The following NLGN1 variants were observed in gnomAD, a reference collection of about 807,000 sequenced individuals.
The protein encoded by NLGN1 is neuroligin 1, also known as neuroligin-1.
In NLGN1, 12 loss-of-function variants were observed where a neutral mutation model predicts 65.5. The ratio of observed to expected loss-of-function variants is 0.18; its 90% CI spans 0.12 to 0.30. NLGN1 has a LOEUF of 0.30. Among genes scored for constraint, NLGN1 ranks in the 10% least tolerant of loss-of-function variants. NLGN1 has a pLI of 1.00. For synonymous variants in NLGN1, 350 were observed against 359.5 expected (o/e 0.97, Z 0.30); for missense variants, 750 against 1,007.1 (o/e 0.74, Z 3.46).
intron 4 of NLGN1, among the ~76,000 whole-genome samples, chr3:174,050,163 G>C (rs900474026): frequency 2.6e-5 from 4 of 152,020 alleles, no homozygotes; most frequent in Admixed American, 2.6e-4. Context: ...ATGCATTATA[G>C]AATAATATTT....
intron 3 of NLGN1, among the ~76,000 whole-genome samples, chr3:173,775,044 T>C (rs1051687592): frequency 6.6e-6 from 1 of 152,174 alleles, no homozygotes; most frequent in African/African-American, 2.4e-5. Context: ...TGCACCAAGC[T>C]TATGCAATTA....
At chr3:173,444,221 G>T (rs1247369295) in intron 2 of NLGN1, among the ~76,000 whole-genome samples, 1 of 152,146 alleles carries the variant, frequency 6.6e-6, no homozygotes, top group Non-Finnish European at 1.5e-5. Flanking sequence ...TTCTAAGGTT[G>T]TCATAAAATC....
At chr3:173,844,342 G>A (rs1168494195) in intron 4 of NLGN1, among the ~76,000 whole-genome samples, 3 of 152,172 alleles carry the variant, frequency 2.0e-5, no homozygotes, top group African/African-American at 7.2e-5. Context: ...GAGAAACAGA[G>A]TTGAGAAAAA....
At chr3:173,742,963 C>T (rs1054898707) in intron 3 of NLGN1, among the ~76,000 whole-genome samples, 5 of 152,108 alleles carry the variant, frequency 3.3e-5, no homozygotes, top group African/African-American at 1.2e-4. Context: ...TATTTAAATA[C>T]ATACACCCAT....
At chr3:174,265,534 C>A (rs1250275229) in intron 4 of NLGN1, among the ~76,000 whole-genome samples, 3 of 151,890 alleles carry the variant, frequency 2.0e-5, no homozygotes, top group Non-Finnish European at 2.9e-5. Context: ...CGCCCTGTTT[C>A]GGCTCGCACA....
At chr3:173,618,072 T>C (rs1753397116) in intron 3 of NLGN1, among the ~76,000 whole-genome samples, 1 of 152,070 alleles carries the variant, frequency 6.6e-6, no homozygotes, top group African/African-American at 2.4e-5. Context: ...GTTTAAGGGG[T>C]TATATAGCAT....
intron 2 of NLGN1, among the ~76,000 whole-genome samples, chr3:173,597,841 T>C (rs1045445748): frequency 6.6e-5 from 10 of 152,176 alleles, no homozygotes; most frequent in African/African-American, 2.4e-4. Context: ...CACTAATATC[T>C]CAAGGCACAG....
At chr3:174,252,506 T>C (rs1744969603) in intron 4 of NLGN1, among the ~76,000 whole-genome samples, 1 of 152,134 alleles carries the variant, frequency 6.6e-6, no homozygotes, top group Non-Finnish European at 1.5e-5. Flanking sequence ...CCTATTTTTT[T>C]TTCCTTGACT....
At chr3:174,202,237 C>T (rs571699258) in intron 4 of NLGN1, among the ~76,000 whole-genome samples, 1 of 152,244 alleles carries the variant, frequency 6.6e-6, no homozygotes, top group Admixed American at 6.5e-5. Flanking sequence ...AAGCTAAACA[C>T]AGAAGAGTTG....
At chr3:173,436,295 A>T (rs1718125292) in intron 2 of NLGN1, among the ~76,000 whole-genome samples, 3 of 152,252 alleles carry the variant, frequency 2.0e-5, no homozygotes, top group Non-Finnish European at 4.4e-5. Flanking sequence ...TATTAAAATT[A>T]TTTCAGAGTA....
At chr3:173,877,371 C>T (rs1732337661) in intron 4 of NLGN1, among the ~76,000 whole-genome samples, 1 of 151,768 alleles carries the variant, frequency 6.6e-6, no homozygotes. Flanking sequence ...TCAAAACCTT[C>T]AGAGACATAA....
intron 3 of NLGN1, among the ~76,000 whole-genome samples, chr3:173,690,630 G>A (rs183268877): frequency 1.2e-3 from 180 of 152,230 alleles, no homozygotes; most frequent in Middle Eastern, 6.8e-3. Context: ...GTCAGATTCC[G>A]TAGAAGCTCT....
intron 2 of NLGN1, among the ~76,000 whole-genome samples, chr3:173,439,851 G>A (rs1311188903): frequency 6.6e-6 from 1 of 152,148 alleles, no homozygotes; most frequent in Non-Finnish European, 1.5e-5. Context: ...TGACTGATCA[G>A]AGTGGTGGTT....
chr3:173,910,939 CT>C (rs1323412522), intron 4 of NLGN1: 2 of 152,204 alleles, frequency 1.3e-5, no homozygotes, highest in Non-Finnish European at 2.9e-5. Context: ...ACTGAAGACA[CT>C]TTAAATAGCT....
intron 4 of NLGN1, among the ~76,000 whole-genome samples, chr3:173,839,063 CT>C (rs955976522): frequency 2.4e-5 from 3 of 124,566 alleles, no homozygotes; most frequent in East Asian, 2.2e-4. Flanking sequence ...TCACAGTATT[CT>C]TTTTTTTTAA....
chr3:173,587,522 A>C (rs1747703634), intron 2 of NLGN1, among the ~76,000 whole-genome samples: 1 of 152,182 alleles, frequency 6.6e-6, no homozygotes, highest in Non-Finnish European at 1.5e-5. Flanking sequence ...TCTAGGAATT[A>C]TTGAAAAACC....
At chr3:173,575,563 A>T (rs919275394) in intron 2 of NLGN1, among the ~76,000 whole-genome samples, 1 of 152,206 alleles carries the variant, frequency 6.6e-6, no homozygotes, top group Non-Finnish European at 1.5e-5. Context: ...GAGATTTAAT[A>T]GTTTTGCTTT....
At chr3:173,696,748 A>G (rs530938549) in intron 3 of NLGN1, among the ~76,000 whole-genome samples, 5 of 152,280 alleles carry the variant, frequency 3.3e-5, no homozygotes, top group East Asian at 3.9e-4. Context: ...TTTGTTTCTT[A>G]TGAGTTTTAA....
intron 2 of NLGN1, among the ~76,000 whole-genome samples, chr3:173,477,081 G>A (rs1323368795): frequency 6.6e-6 from 1 of 152,168 alleles, no homozygotes; most frequent in Non-Finnish European, 1.5e-5. Context: ...AGCATCAGCA[G>A]CCAGTTGGAT....
Sources: gnomAD v4.1 joint callset for allele counts (sites outside exome capture counted in the v4.1 genomes callset) on GRCh38, gnomAD v4.1.1 for gene constraint, MANE v1.5 for transcripts, NCBI Gene and HGNC (gene_info 2026-07-23, HGNC 2026-07-21) for gene names.